SRBD1: variants seen among roughly 807,000 people sequenced by gnomAD.
The protein encoded by SRBD1 is S1 RNA-binding domain-containing protein 1.
In SRBD1, 88 loss-of-function variants were observed where a neutral mutation model predicts 115.3. That is an observed-to-expected ratio of 0.76 (90% confidence interval 0.64 to 0.91). SRBD1 has a LOEUF of 0.91. SRBD1 is among the 40% of genes least tolerant of loss of function. The pLI is 0.00. For missense variants in SRBD1, 1,385 were observed against 1,177.4 expected (o/e 1.18, Z -2.58); for synonymous variants, 509 against 407.7 (o/e 1.25, Z -2.99).
intron 15 of SRBD1, among the ~76,000 whole-genome samples, chr2:45,482,661 AAAAAT>A (rs1031516031): frequency 6.6e-6 from 1 of 151,922 alleles, no homozygotes; most frequent in African/African-American, 2.4e-5. Flanking sequence ...CATGAATAAT[AAAAAT>A]AAAACATGCA....
chr2:45,555,795 T>A (rs1334755100), intron 10 of SRBD1, among the ~76,000 whole-genome samples: 1 of 152,040 alleles, frequency 6.6e-6, no homozygotes, highest in Non-Finnish European at 1.5e-5. Context: ...CCAGGCCCAT[T>A]AAACTCTTTT....
chr2:45,559,639 A>G (rs1040446684), intron 10 of SRBD1, among the ~76,000 whole-genome samples: 1 of 152,200 alleles, frequency 6.6e-6, no homozygotes, highest in Non-Finnish European at 1.5e-5. Context: ...GGAAAAAGAG[A>G]GTAAAAAAAG....
At chr2:45,571,468 T>C (rs1454655121) in intron 9 of SRBD1, among the ~76,000 whole-genome samples, 1 of 130,486 alleles carries the variant, frequency 7.7e-6, no homozygotes, top group East Asian at 2.4e-4. Flanking sequence ...GGAGAGAATC[T>C]GATTTCCAGA....
intron 14 of SRBD1, chr2:45,546,038 AACT>A (rs1672109705): frequency 2.1e-6 from 1 of 482,648 alleles, no homozygotes; most frequent in South Asian, 8.8e-5. Context: ...CAGCCATTAT[AACT>A]ACTCTCTCTC....
In SRBD1 at chr2:45,509,567, G is replaced by T. The variant is rs144434695; in HGVS notation, c.1875-21236C>A. On this transcript the variant is annotated intron_variant, in intron 14 of 20. Coordinates refer to ENST00000263736, the MANE Select transcript of SRBD1 (RefSeq NM_018079.5). ...GCAGAGATTGCACCACTGCACTCCA[G>T]CCTGGAGGACACAGCAAGACTCCGT... 1.6e-3 allele frequency among the ~76,000 whole-genome samples: 211 copies of T among 132,738 alleles called. 3 individuals are homozygous for T. Among genetic ancestry groups the T allele is most frequent in the African/African-American group, 5.1e-3 (191 of 37,674 alleles). 87.1% of individuals were successfully genotyped at this position (132,738 alleles called of 152,430 possible).
At chr2:45,514,222 AATTAAGTGT>A (rs1196262954) in intron 14 of SRBD1, among the ~76,000 whole-genome samples, 2 of 152,174 alleles carry the variant, frequency 1.3e-5, no homozygotes, top group East Asian at 3.8e-4. Context: ...AAATTCTTAC[AATTAAGTGT>A]ATTATTTCCT....
chr2:45,601,633 A>C (rs1201794430), intron 3 of SRBD1, among the ~76,000 whole-genome samples: 1 of 152,264 alleles, frequency 6.6e-6, no homozygotes, highest in Non-Finnish European at 1.5e-5. Flanking sequence ...AATGTTGAGC[A>C]CATTGCCTGG....
At chr2:45,480,027 T>A (rs775301476) in intron 15 of SRBD1, among the ~76,000 whole-genome samples, 2 of 152,160 alleles carry the variant, frequency 1.3e-5, no homozygotes, top group Non-Finnish European at 2.9e-5. Context: ...ATGGCACATA[T>A]GTTTATAGCA....
chr2:45,574,596 A>G (rs1283538221), intron 8 of SRBD1, 31 bp downstream of exon 8: 1 of 1,596,706 alleles, frequency 6.3e-7, no homozygotes, highest in South Asian at 1.1e-5. Flanking sequence ...TGAGTCCATA[A>G]AGCAGAAAAC....
At chr2:45,408,127 A>C (rs949388648) in intron 19 of SRBD1, among the ~76,000 whole-genome samples, 11 of 152,210 alleles carry the variant, frequency 7.2e-5, no homozygotes, top group Admixed American at 2.0e-4. Context: ...AATGTACTGC[A>C]ACAAAAATTC....
intron 16 of SRBD1, among the ~76,000 whole-genome samples, chr2:45,463,579 C>T (rs1669390917): frequency 1.3e-5 from 2 of 152,092 alleles, no homozygotes; most frequent in Admixed American, 1.3e-4. Flanking sequence ...CTAGCACAAT[C>T]TTATATTTGG....
At chr2:45,396,939 A>AT (rs368072620) in intron 19 of SRBD1, among the ~76,000 whole-genome samples, 130 of 152,312 alleles carry the variant, frequency 8.5e-4, no homozygotes, top group Middle Eastern at 6.8e-3. Context: ...GGCAAAACAT[A>AT]TGATTTACAA....
At chr2:45,513,899 G>C (rs1218833722) in intron 14 of SRBD1, among the ~76,000 whole-genome samples, 2 of 152,090 alleles carry the variant, frequency 1.3e-5, no homozygotes, top group Non-Finnish European at 2.9e-5. Context: ...TCTGGTAATA[G>C]CTACCATATT....
intron 10 of SRBD1, among the ~76,000 whole-genome samples, chr2:45,560,713 C>T (rs1672634828): frequency 6.6e-6 from 1 of 152,072 alleles, no homozygotes; most frequent in Non-Finnish European, 1.5e-5. Flanking sequence ...TATCTAATTT[C>T]CTAATTTTTT....
intron 14 of SRBD1, among the ~76,000 whole-genome samples, chr2:45,537,841 G>A (rs1671811893): frequency 6.6e-6 from 1 of 152,314 alleles, no homozygotes; most frequent in East Asian, 1.9e-4. Flanking sequence ...AAATGAAAAG[G>A]AAGAGCTACC....
intron 14 of SRBD1, among the ~76,000 whole-genome samples, chr2:45,509,585 G>A (rs965513317): frequency 1.7e-5 from 2 of 121,160 alleles, no homozygotes; most frequent in African/African-American, 6.0e-5. Flanking sequence ...GACACAGCAA[G>A]ACTCCGTCTC....
intron 16 of SRBD1, among the ~76,000 whole-genome samples, chr2:45,463,570 T>G (rs1669390594): frequency 6.6e-6 from 1 of 152,184 alleles, no homozygotes; most frequent in Admixed American, 6.5e-5. Context: ...TATAATCACC[T>G]AGCACAATCT....
chr2:45,476,710 A>G (rs1379007805), intron 16 of SRBD1, among the ~76,000 whole-genome samples: 2 of 152,194 alleles, frequency 1.3e-5, no homozygotes, highest in Non-Finnish European at 2.9e-5. Flanking sequence ...TTAAAAGAAG[A>G]GGCTCTCTCT....
intron 14 of SRBD1, among the ~76,000 whole-genome samples, chr2:45,534,067 A>T (rs1393664259): frequency 6.6e-6 from 1 of 152,042 alleles, no homozygotes; most frequent in Non-Finnish European, 1.5e-5. Flanking sequence ...ACTTACGAAC[A>T]CAAAAACACA....
Sources: gnomAD v4.1 joint callset for allele counts (sites outside exome capture counted in the v4.1 genomes callset) on GRCh38, gnomAD v4.1.1 for gene constraint, MANE v1.5 for transcripts, NCBI Gene and HGNC (gene_info 2026-07-23, HGNC 2026-07-21) for gene names.